The following ANO2 variants were observed in gnomAD, a reference collection of about 807,000 sequenced individuals.
The protein encoded by ANO2 is anoctamin 2.
Under a neutral mutation model 124.2 loss-of-function variants are expected in ANO2, and 101 were observed. The ratio of observed to expected loss-of-function variants is 0.81; its 90% CI spans 0.69 to 0.96. ANO2 has a LOEUF of 0.96. Ranked by LOEUF, ANO2 falls within the 40% of genes least tolerant of loss-of-function variation. The pLI, the probability that ANO2 is intolerant of heterozygous loss-of-function variation, is 0.00. For missense variants in ANO2, 1,293 were observed against 1,274.5 expected, an observed-to-expected ratio of 1.01 and a Z score of -0.22; for synonymous variants, 486 against 482.5, an observed-to-expected ratio of 1.01 and a Z score of -0.09.
At chr12:5,716,763 T>G (rs759849760) in intron 14 of ANO2, among the ~76,000 whole-genome samples, 22 of 152,160 alleles carry the variant, frequency 1.4e-4, no homozygotes, top group Non-Finnish European at 2.6e-4. Context: ...ATCACGAAGC[T>G]GTATCCAACA....
intron 3 of ANO2, among the ~76,000 whole-genome samples, chr12:5,888,378 T>C (rs1339425141): frequency 2.0e-5 from 3 of 152,106 alleles, no homozygotes; most frequent in Non-Finnish European, 2.9e-5. Context: ...GAACAAACCT[T>C]CCACAGTGTG....
chr12:5,600,702 T>C (rs1262952923), intron 19 of ANO2, among the ~76,000 whole-genome samples: 1 of 152,212 alleles, frequency 6.6e-6, no homozygotes, highest in African/African-American at 2.4e-5. Flanking sequence ...TACTTTTTAA[T>C]GGCAAAAACT....
intron 3 of ANO2, among the ~76,000 whole-genome samples, chr12:5,866,321 T>C (rs941946701): frequency 1.3e-5 from 2 of 152,136 alleles, no homozygotes; most frequent in African/African-American, 4.8e-5. Context: ...CTGCAGATGG[T>C]TGAGCAGAAA....
chr12:5,918,051 C>T (rs190324376), intron 3 of ANO2, among the ~76,000 whole-genome samples: 20 of 152,294 alleles, frequency 1.3e-4, no homozygotes, highest in African/African-American at 4.8e-4. Flanking sequence ...CTGGCCTCTG[C>T]TCCCTAAGAC....
chr12:5,840,606 A>G (rs1329619058), intron 4 of ANO2, among the ~76,000 whole-genome samples: 1 of 152,216 alleles, frequency 6.6e-6, no homozygotes, highest in Non-Finnish European at 1.5e-5. Context: ...GTCTAACAGT[A>G]TAAGATAAAA....
chr12:5,798,048 T>C (rs1565676971), intron 10 of ANO2, among the ~76,000 whole-genome samples: 1 of 152,126 alleles, frequency 6.6e-6, no homozygotes, highest in Non-Finnish European at 1.5e-5. Flanking sequence ...GGGAGAATTT[T>C]TATTTTTTAA....
At chr12:5,678,960 T>G (rs1948376025) in intron 14 of ANO2, among the ~76,000 whole-genome samples, 3 of 152,210 alleles carry the variant, frequency 2.0e-5, no homozygotes, top group Non-Finnish European at 4.4e-5. Context: ...CGAGTGGGTA[T>G]AGCTCACATC....
intron 1 of ANO2, among the ~76,000 whole-genome samples, chr12:5,938,262 T>C (rs1044119691): frequency 3.3e-5 from 5 of 152,222 alleles, no homozygotes; most frequent in African/African-American, 1.2e-4. Context: ...TGGGATCCTT[T>C]CCTCCATGTG....
intron 7 of ANO2, among the ~76,000 whole-genome samples, chr12:5,825,253 T>A (rs1228492371): frequency 6.6e-6 from 1 of 152,174 alleles, no homozygotes; most frequent in African/African-American, 2.4e-5. Flanking sequence ...ATTGACAGAA[T>A]GGTGGAATGG....
chr12:5,833,651 G>A (rs1954227120), intron 4 of ANO2, among the ~76,000 whole-genome samples: 1 of 152,172 alleles, frequency 6.6e-6, no homozygotes, highest in South Asian at 2.1e-4. Flanking sequence ...TACCGCCTGA[G>A]CTCTGCCTCT....
chr12:5,630,051 G>T (rs2136930392), intron 16 of ANO2, among the ~76,000 whole-genome samples: 1 of 152,336 alleles, frequency 6.6e-6, no homozygotes, highest in African/African-American at 2.4e-5. Flanking sequence ...CAGCAAGAAT[G>T]GACCTCAGAT....
chr12:5,657,858 T>G (rs745715797), intron 14 of ANO2, among the ~76,000 whole-genome samples: 22 of 152,138 alleles, frequency 1.4e-4, no homozygotes, highest in Non-Finnish European at 2.6e-4. Flanking sequence ...CTCTGACTGC[T>G]TTCACAAAAT....
At chr12:5,624,140 C>T (rs754814027) in intron 16 of ANO2, among the ~76,000 whole-genome samples, 1 of 152,150 alleles carries the variant, frequency 6.6e-6, no homozygotes, top group Non-Finnish European at 1.5e-5. Flanking sequence ...TGCAAAGGAG[C>T]ATGAGACCTA....
intron 14 of ANO2, among the ~76,000 whole-genome samples, chr12:5,682,168 C>A (rs1409667314): frequency 6.6e-6 from 1 of 152,200 alleles, no homozygotes; most frequent in Non-Finnish European, 1.5e-5. Flanking sequence ...CACAGTTTGG[C>A]ATTCTTAAAT....
rs1942373575 is a variant in ANO2, at chr12:5,575,919, T to C, written c.2536A>G (p.Thr846Ala). 1 of 1,613,424 alleles carries C rather than the reference T, an allele frequency of 6.2e-7. No homozygotes were observed. The highest frequency in any genetic ancestry group is 2.2e-5 in the East Asian group (1 of 44,854). The change falls in exon 23 of 25, where the codon ACC (threonine) becomes GCC (alanine). Residue 846 changes from threonine to alanine, a missense_variant. Transcript: ENST00000682330. ...NGTLHGFVNH[T>A]LSFFNVSQLK... The stretch of plus-strand genomic sequence containing the variant: ...TGGCTGACGTTGAAAAAGGAGAGGG[T>C]GTGGTTGACAAAGCCGTGCAGAGTC...
intron 8 of ANO2, among the ~76,000 whole-genome samples, chr12:5,807,025 C>T (rs549998603): frequency 2.6e-5 from 4 of 152,286 alleles, no homozygotes; most frequent in East Asian, 3.9e-4. Flanking sequence ...TGTATAGTTA[C>T]ACTTTTGCTA....
intron 10 of ANO2, among the ~76,000 whole-genome samples, chr12:5,765,438 GA>G (rs5796186): frequency 0.036 from 5,335 of 149,554 alleles, 121 homozygotes; most frequent in South Asian, 0.076. Flanking sequence ...TAATTCAATT[GA>G]AAAAAAAAAT....
At chr12:5,717,888 G>A in intron 14 of ANO2, among the ~76,000 whole-genome samples, 1 of 152,176 alleles carries the variant, frequency 6.6e-6, no homozygotes, top group East Asian at 1.9e-4. Flanking sequence ...GCTTTCCTCT[G>A]GACTTTGTTC....
At chr12:5,867,778 GA>G (rs10622876) in intron 3 of ANO2, among the ~76,000 whole-genome samples, 3,891 of 78,452 alleles carry the variant, frequency 0.05, 56 homozygotes, top group Middle Eastern at 0.13. Context: ...GCACTATAAT[GA>G]AAAAAAAAAA....
Sources: allele counts gnomAD v4.1 joint callset (sites outside exome capture counted in the v4.1 genomes callset), GRCh38; gene constraint gnomAD v4.1.1; transcripts MANE v1.5; gene names NCBI Gene and HGNC (gene_info 2026-07-23, HGNC 2026-07-21).